The following USO1 variants were observed in gnomAD, a reference collection of about 807,000 sequenced individuals.
USO1 encodes USO1 vesicle transport factor.
A neutral mutation model predicts 124.5 loss-of-function variants in USO1; 57 were observed. The ratio of observed to expected loss-of-function variants is 0.46; its 90% confidence interval spans 0.37 to 0.57. The LOEUF (loss-of-function observed/expected upper bound fraction) is 0.57. Among genes scored for constraint, USO1 ranks in the 20% least tolerant of loss-of-function variants. The pLI, the probability that USO1 is intolerant of heterozygous loss-of-function variation, is 0.00. For missense variants in USO1, 900 were observed against 1,040.6 expected (o/e 0.86, Z 1.86); for synonymous variants, 369 against 362.8 (o/e 1.02, Z -0.19).
chr4:75,788,871 C>T (rs1476740766), intron 10 of USO1, among the ~76,000 whole-genome samples: 9 of 150,384 alleles, frequency 6.0e-5, no homozygotes, highest in South Asian at 4.5e-4. Context: ...GAATAAGTAA[C>T]GAGAAATTTT....
At chr4:75,729,103 C>G (rs576706123) in intron 1 of USO1, among the ~76,000 whole-genome samples, 1 of 151,998 alleles carries the variant, frequency 6.6e-6, no homozygotes, top group South Asian at 2.1e-4. Flanking sequence ...GCCCCAGAGT[C>G]GGGTACTTTT....
Position 75,790,244 on chromosome 4 carries a change from A to G in USO1, c.1085+6A>G. 1.3e-6 allele frequency: 2 copies of G among 1,586,538 alleles called. No homozygotes were observed. The highest frequency in any genetic ancestry group is 1.7e-4 in the Middle Eastern group (1 of 6,034). On this transcript the variant is annotated splice_donor_region_variant and intron_variant, in intron 11 of 23. Transcript: ENST00000514213. ...GCACCTTCAAACCCACCAAGGTAGA[A>G]AAAGGGAAATACTGAGATTACTCTG...
In USO1 at chr4:75,787,147, A is replaced by C. The variant is rs773898091; in HGVS notation, c.941A>C (p.Gln314Pro). 1 of 1,607,498 alleles carries C rather than the reference A, an allele frequency of 6.2e-7. No individual in the cohort carries two copies. The highest frequency in any genetic ancestry group is 8.5e-7 in the Non-Finnish European group (1 of 1,177,248). ...QKAMFQCGLL[Q>P]QLCTILMATG... ...GCTATGTTCCAGTGTGGGTTATTGC[A>C]GCAGCTTTGTACTATCCTAATGGCT... Residue 314 changes from glutamine to proline, a missense_variant, in exon 10 of 24, where the codon CAG (glutamine) becomes CCG (proline). Around this residue, in one of 2 missense-constraint regions of USO1, gnomAD observed 538 missense variants for 681.6 expected, o/e 0.79. Coordinates refer to ENST00000514213, the MANE Select transcript of USO1 (RefSeq NM_003715.4).
Position 75,763,271 on chromosome 4 carries a change from T to C in USO1, c.295+5698T>C, listed in dbSNP as rs987286633. Among the ~76,000 whole-genome samples the C allele has an allele frequency of 1.2e-4, 18 of 152,348 alleles. No homozygotes were observed. The East Asian group carries it at 3.5e-3, about 29-fold the overall frequency. On this transcript the variant is annotated intron_variant, in intron 4 of 23. Coordinates refer to ENST00000514213, the MANE Select transcript of USO1 (RefSeq NM_003715.4). ...CTATACAGACAGATGATGGTTCAAC[T>C]TCACGATTTTTTGATTTACGATGGT... is the stretch of plus-strand genomic sequence containing the variant.
chr4:75,809,924 G>A lies in USO1; in HGVS notation c.2476-508G>A, dbSNP rs911667498. The stretch of plus-strand genomic sequence containing the variant: ...ACTTCCACATTTTTAGATATTTGTT[G>A]TGTCACTACCCGACTTCCTAGTATT... On this transcript the variant is annotated intron_variant, in intron 21 of 23. Transcript: ENST00000514213. Among the ~76,000 whole-genome samples the A allele has an allele frequency of 3.3e-5, 5 of 152,176 alleles. No individual in the cohort carries two copies. The East Asian group carries it at 9.6e-4, about 29-fold the overall frequency.
At chr4:75,757,427 A>T in intron 3 of USO1, 70 bp from the exon 4 acceptor site, 1 of 1,327,562 alleles carries the variant, frequency 7.5e-7, no homozygotes, top group Non-Finnish European at 9.8e-7. Flanking sequence ...ATTGCTAAAT[A>T]ACTAAAAATG....
chr4:75,793,986 G>A (rs2149184057), intron 13 of USO1, 85 bp downstream of exon 13: 2 of 1,550,998 alleles, frequency 1.3e-6, no homozygotes, highest in Admixed American at 4.0e-5. Flanking sequence ...AGATGCAGAT[G>A]AAAAAGGACA....
chr4:75,758,211 C>T (rs1244783221), intron 4 of USO1, among the ~76,000 whole-genome samples: 1 of 152,088 alleles, frequency 6.6e-6, no homozygotes, highest in Non-Finnish European at 1.5e-5. Context: ...GTCCTGTATA[C>T]ATTTTGTTCT....
rs191445364 is a variant in USO1, at chr4:75,724,619, C to T, written c.-201C>T. ...TTCGAGCCGCCACGTAATGCCACGTCCCCGCGCATGCGCATCTTGGCCGCT... is the reference window on the plus strand; with the variant it reads ...TTCGAGCCGCCACGTAATGCCACGTTCCCGCGCATGCGCATCTTGGCCGCT... On this transcript the variant is annotated 5_prime_UTR_variant, in exon 1 of 24. Coordinates refer to ENST00000514213, the MANE Select transcript of USO1 (RefSeq NM_003715.4). 35 of 581,328 alleles carry T rather than the reference C, an allele frequency of 6.0e-5. No individual in the cohort carries two copies. The Admixed American group carries it at 7.5e-4, about 12-fold the overall frequency. 36.0% of individuals were successfully genotyped at this position (581,328 alleles called of 1,614,324 possible).
chr4:75,777,590 A>C (rs1388068425), intron 8 of USO1, among the ~76,000 whole-genome samples: 1 of 152,232 alleles, frequency 6.6e-6, no homozygotes, highest in Non-Finnish European at 1.5e-5. Context: ...ATATGAAAAG[A>C]TGCTCAACAT....
intron 17 of USO1, among the ~76,000 whole-genome samples, chr4:75,801,959 A>G (rs1320657604): frequency 1.3e-5 from 2 of 152,176 alleles, no homozygotes; most frequent in African/African-American, 4.8e-5. Context: ...AGCTGGGATT[A>G]TAGGCGTGTG....
chr4:75,745,386 G>GTATTACTATGTTCC, intron 1 of USO1: 1 of 515,890 alleles, frequency 1.9e-6, no homozygotes, highest in Non-Finnish European at 3.9e-6. Context: ...CACAGGGACT[G>GTATTACTATGTTCC]TATTACTATG....
chr4:75,793,271 G>A (rs374775542), intron 12 of USO1, among the ~76,000 whole-genome samples: 43 of 133,584 alleles, frequency 3.2e-4, no homozygotes, highest in Admixed American at 5.1e-4. Context: ...GTGCAGTGGC[G>A]CAGTCCATAG....
At chr4:75,742,055 C>T (rs1263153414) in intron 1 of USO1, among the ~76,000 whole-genome samples, 2 of 152,118 alleles carry the variant, frequency 1.3e-5, no homozygotes, top group African/African-American at 2.4e-5. Context: ...AATAATAATG[C>T]CTTCTTCTGG....
intron 1 of USO1, among the ~76,000 whole-genome samples, chr4:75,729,505 A>G (rs1048029055): frequency 2.0e-5 from 3 of 151,966 alleles, no homozygotes; most frequent in African/African-American, 4.8e-5. Context: ...ACGCCAGGCT[A>G]ATTTTTTTGT....
At position 75,800,675 on chromosome 4, in the gene USO1, A is replaced by G; in HGVS notation, c.1740A>G (p.Lys580=). Residue 580 remains lysine, a synonymous_variant, in exon 16 of 24, where the codon AAA becomes AAG. Coordinates refer to ENST00000514213, the MANE Select transcript of USO1 (RefSeq NM_003715.4). ...TTGGCAAAGAGAATTTCATAGAGAA[A>G]CTAGGATTTATTAGCAAACATGAGT... is the stretch of plus-strand genomic sequence containing the variant. ...KRIGKENFIE[K]LGFISKHELY... 1 of 1,598,950 alleles carries G rather than the reference A, an allele frequency of 6.3e-7. No homozygotes were observed. The highest frequency in any genetic ancestry group is 8.5e-7 in the Non-Finnish European group (1 of 1,175,706).
intron 1 of USO1, chr4:75,725,121 T>A: frequency 3.5e-6 from 2 of 575,990 alleles, no homozygotes; most frequent in Non-Finnish European, 6.2e-6. Flanking sequence ...CCCGCAGCTC[T>A]GTAGGCCCTG....
Position 75,776,989 on chromosome 4 carries a change from TTCA to T in USO1, c.676+2199_676+2201del, listed in dbSNP as rs1722089093. On this transcript the variant is annotated intron_variant, in intron 8 of 23. Transcript: ENST00000514213. ...AATATGGGTATGCTGATTAAAGTTT[TTCA>T]TCATCTTCCTTGCATACATCACGCC... Among the ~76,000 whole-genome samples, 4 of 152,318 alleles carry T rather than the reference TTCA, an allele frequency of 2.6e-5. No homozygotes were observed. The South Asian group carries it at 8.3e-4, about 32-fold the overall frequency.
Position 75,799,619 on chromosome 4 carries a change from C to T in USO1, c.1453-3C>T. 2 of 1,612,760 alleles carry T rather than the reference C, an allele frequency of 1.2e-6. No individual in the cohort carries two copies. The highest frequency in any genetic ancestry group is 1.7e-6 in the Non-Finnish European group (2 of 1,179,418). On this transcript the variant is annotated splice_region_variant and splice_polypyrimidine_tract_variant and intron_variant, in intron 13 of 23. Transcript: ENST00000514213. Reference sequence around the variant, plus strand: ...AAGATTTCTACCAATTTATCTGTTGCAGGGAAGCAAAATACAAACAAGAGT... The same window carrying T: ...AAGATTTCTACCAATTTATCTGTTGTAGGGAAGCAAAATACAAACAAGAGT...
Sources: allele counts gnomAD v4.1 joint callset (sites outside exome capture counted in the v4.1 genomes callset), GRCh38; gene constraint gnomAD v4.1.1; regional missense constraint gnomAD v4.1.1; transcripts MANE v1.5; gene names NCBI Gene and HGNC (gene_info 2026-07-23, HGNC 2026-07-21).